The following SUGCT variants were observed in gnomAD, a reference collection of about 807,000 sequenced individuals.
The protein encoded by SUGCT is succinyl-CoA:glutarate-CoA transferase.
SUGCT carries 41 observed loss-of-function variants against 55.0 expected under a neutral mutation model. The ratio of observed to expected loss-of-function variants is 0.74; its 90% CI spans 0.58 to 0.97. SUGCT has a LOEUF of 0.97. SUGCT is among the 50% of genes least tolerant of loss of function. The probability of loss-of-function intolerance (pLI) is 0.00; values close to 1 mark genes in which losing one functional copy is unlikely to be tolerated. For missense variants in SUGCT, 568 were observed against 547.8 expected (o/e 1.04, Z -0.37); for synonymous variants, 187 against 200.4 (o/e 0.93, Z 0.56).
intron 13 of SUGCT, among the ~76,000 whole-genome samples, chr7:40,789,131 T>G (rs1161308589): frequency 6.6e-6 from 1 of 152,220 alleles, no homozygotes; most frequent in Non-Finnish European, 1.5e-5. Context: ...AAACTTACCG[T>G]GAGATTTACT....
intron 12 of SUGCT, among the ~76,000 whole-genome samples, chr7:40,697,702 T>C (rs988839175): frequency 5.9e-5 from 9 of 152,184 alleles, no homozygotes; most frequent in African/African-American, 2.2e-4. Context: ...CAGTTTCATT[T>C]AACTACCTGG....
chr7:40,407,077 G>A (rs1201324458), intron 9 of SUGCT, among the ~76,000 whole-genome samples: 2 of 152,036 alleles, frequency 1.3e-5, no homozygotes, highest in Non-Finnish European at 2.9e-5. Flanking sequence ...AAAGAACAAA[G>A]AGCTTGAAGG....
chr7:40,401,523 A>AAT (rs1326451343), intron 9 of SUGCT, among the ~76,000 whole-genome samples: 3 of 152,140 alleles, frequency 2.0e-5, no homozygotes, highest in Non-Finnish European at 4.4e-5. Flanking sequence ...CCAAGCAGAG[A>AAT]ATACTCTGTT....
At chr7:40,907,650 G>T in the SUGCT span, among the ~76,000 whole-genome samples, 1 of 152,066 alleles carries the variant, frequency 6.6e-6, no homozygotes, top group African/African-American at 2.4e-5. Context: ...ATATCACATG[G>T]TTAGCAAGTT....
chr7:40,885,068 T>C, the SUGCT span, among the ~76,000 whole-genome samples: 1 of 152,168 alleles, frequency 6.6e-6, no homozygotes, highest in African/African-American at 2.4e-5. Context: ...TCACCTATAA[T>C]GGTACCTGCC....
intron 13 of SUGCT, among the ~76,000 whole-genome samples, chr7:40,821,889 C>T (rs1478358147): frequency 6.6e-6 from 1 of 152,090 alleles, no homozygotes; most frequent in East Asian, 1.9e-4. Context: ...CCTGCTTTGT[C>T]TTGTGGGCAT....
chr7:40,435,597 C>G (rs1474896175), intron 9 of SUGCT, among the ~76,000 whole-genome samples: 1 of 152,164 alleles, frequency 6.6e-6, no homozygotes, highest in Non-Finnish European at 1.5e-5. Flanking sequence ...TTGCTCTTAT[C>G]TGATATTCAG....
At chr7:40,307,865 G>A (rs1448170280) in intron 8 of SUGCT, among the ~76,000 whole-genome samples, 1 of 152,140 alleles carries the variant, frequency 6.6e-6, no homozygotes, top group African/African-American at 2.4e-5. Context: ...TAAATTGCAA[G>A]GGGAGTTTGA....
chr7:40,681,386 T>G (rs541911041), intron 12 of SUGCT, among the ~76,000 whole-genome samples: 8 of 152,182 alleles, frequency 5.3e-5, no homozygotes, highest in African/African-American at 1.9e-4. Context: ...CAAAACAAGG[T>G]TCAGATGAGT....
chr7:40,459,948 T>G (rs998065825), intron 11 of SUGCT, among the ~76,000 whole-genome samples: 2 of 152,204 alleles, frequency 1.3e-5, no homozygotes, highest in East Asian at 1.9e-4. Flanking sequence ...ATGGGCTTTG[T>G]GGCTTTTGTG....
chr7:40,828,370 A>G (rs1428766406), intron 13 of SUGCT, among the ~76,000 whole-genome samples: 3 of 152,078 alleles, frequency 2.0e-5, no homozygotes, highest in Admixed American at 1.3e-4. Context: ...CTAGCATTTA[A>G]TATTGTCACA....
At chr7:40,520,381 A>G (rs766566209) in intron 12 of SUGCT, among the ~76,000 whole-genome samples, 6 of 152,142 alleles carry the variant, frequency 3.9e-5, no homozygotes, top group African/African-American at 1.2e-4. Context: ...GGCTTTTAGT[A>G]CTGTAATCTA....
At chr7:40,799,005 G>A (rs112177227) in intron 13 of SUGCT, among the ~76,000 whole-genome samples, 169 of 152,294 alleles carry the variant, frequency 1.1e-3, no homozygotes, top group African/African-American at 3.9e-3. Flanking sequence ...GAAGATTGCT[G>A]TAGACTTAAC....
intron 9 of SUGCT, among the ~76,000 whole-genome samples, chr7:40,439,013 TGTG>T (rs1053695473): frequency 4.2e-5 from 6 of 141,256 alleles, no homozygotes; most frequent in African/African-American, 1.6e-4. Flanking sequence ...ATGTAGAAAT[TGTG>T]TGTGTGTATA....
At chr7:40,811,523 G>A (rs1791414582) in intron 13 of SUGCT, among the ~76,000 whole-genome samples, 1 of 151,832 alleles carries the variant, frequency 6.6e-6, no homozygotes, top group African/African-American at 2.4e-5. Context: ...GTTTGTGTGT[G>A]GTGGTTTTTG....
At chr7:41,010,875 C>T in the SUGCT span, among the ~76,000 whole-genome samples, 1 of 152,146 alleles carries the variant, frequency 6.6e-6, no homozygotes, top group South Asian at 2.1e-4. Flanking sequence ...GAATGTTTGA[C>T]CTGGAACGAA....
chr7:40,996,284 CTGTGCA>C, the SUGCT span, among the ~76,000 whole-genome samples: 2 of 152,162 alleles, frequency 1.3e-5, no homozygotes, highest in South Asian at 4.1e-4. Context: ...GAAACATTCC[CTGTGCA>C]TCTGGAGGCT....
At chr7:41,009,194 A>ACAATGTC in the SUGCT span, among the ~76,000 whole-genome samples, 92 of 143,098 alleles carry the variant, frequency 6.4e-4, 1 homozygote, top group African/African-American at 2.3e-3. Flanking sequence ...TGCCTGGGTG[A>ACAATGTC]CAATGTCTCT....
the SUGCT span, among the ~76,000 whole-genome samples, chr7:40,923,204 G>T: frequency 6.6e-6 from 1 of 152,174 alleles, no homozygotes; most frequent in East Asian, 1.9e-4. Context: ...AGGAACTTAG[G>T]CCCCTTGGTT....
Sources: gnomAD v4.1 joint callset for allele counts (sites outside exome capture counted in the v4.1 genomes callset) on GRCh38, gnomAD v4.1.1 for gene constraint, MANE v1.5 for transcripts, NCBI Gene and HGNC (gene_info 2026-07-23, HGNC 2026-07-21) for gene names.